The following RANBP9 variants were observed in gnomAD, a reference collection of about 807,000 sequenced individuals.
RANBP9 encodes ran-binding protein 9.
In RANBP9, 15 loss-of-function variants were observed where a neutral mutation model predicts 84.3. The ratio of observed to expected loss-of-function variants is 0.18; its 90% CI spans 0.12 to 0.27. The LOEUF is 0.27. Ranked by LOEUF, RANBP9 falls within the 10% of genes least tolerant of loss-of-function variation. The pLI is 1.00. For missense variants in RANBP9, 809 were observed against 912.8 expected (o/e 0.89, Z 1.46); for synonymous variants, 392 against 349.6 (o/e 1.12, Z -1.35).
At chr6:13,639,227 G>A (rs1765007785) in intron 9 of RANBP9, among the ~76,000 whole-genome samples, 1 of 152,146 alleles carries the variant, frequency 6.6e-6, no homozygotes, top group South Asian at 2.1e-4. Context: ...CACCCAGGCT[G>A]GAGTGCAGTG....
chr6:13,644,198 A>G (rs1217333680), intron 6 of RANBP9, among the ~76,000 whole-genome samples: 1 of 152,178 alleles, frequency 6.6e-6, no homozygotes, highest in Non-Finnish European at 1.5e-5. Flanking sequence ...TATCTTTTCC[A>G]TTAACATTAT....
intron 5 of RANBP9, among the ~76,000 whole-genome samples, chr6:13,651,124 A>T (rs922872331): frequency 2.6e-5 from 4 of 152,170 alleles, no homozygotes; most frequent in Admixed American, 1.3e-4. Context: ...AATAACCCTA[A>T]GAGATCATTC....
At chr6:13,684,578 C>A (rs191938953) in intron 2 of RANBP9, among the ~76,000 whole-genome samples, 1 of 152,110 alleles carries the variant, frequency 6.6e-6, no homozygotes, top group Non-Finnish European at 1.5e-5. Flanking sequence ...GTATGTAAAC[C>A]GCTGTCACAA....
chr6:13,653,524 A>G (rs1355371786), intron 4 of RANBP9, among the ~76,000 whole-genome samples: 3 of 152,162 alleles, frequency 2.0e-5, no homozygotes, highest in African/African-American at 7.2e-5. Flanking sequence ...CTTCCAGTCT[A>G]AAACAAACAT....
intron 2 of RANBP9, among the ~76,000 whole-genome samples, chr6:13,671,204 G>T (rs1318481769): frequency 6.6e-6 from 1 of 152,154 alleles, no homozygotes; most frequent in Non-Finnish European, 1.5e-5. Flanking sequence ...ATCATAGCTG[G>T]TAGTAAGTAA....
At chr6:13,672,210 G>C (rs1584934704) in intron 2 of RANBP9, among the ~76,000 whole-genome samples, 1 of 152,058 alleles carries the variant, frequency 6.6e-6, no homozygotes, top group East Asian at 1.9e-4. Flanking sequence ...ATCTGACCTA[G>C]AGTAAGAGCA....
At chr6:13,671,004 C>G (rs1180080341) in intron 2 of RANBP9, among the ~76,000 whole-genome samples, 1 of 152,024 alleles carries the variant, frequency 6.6e-6, no homozygotes, top group African/African-American at 2.4e-5. Context: ...CCTACTAAAA[C>G]AATGGGCAAA....
At position 13,637,768 on chromosome 6, in the gene RANBP9, G is replaced by C. The variant is rs375815004; in HGVS notation, c.1673+40C>G. The stretch of plus-strand genomic sequence containing the variant: ...ATTACAACGATTACACCTATAACTA[G>C]GTTGCTTATATTAGTGCAAAAGTCA... On this transcript the variant is annotated intron_variant, in intron 10 of 13. Coordinates refer to ENST00000011619, the MANE Select transcript of RANBP9 (RefSeq NM_005493.3). 1.2e-5 allele frequency: 18 copies of C among 1,496,184 alleles called. No individual in the cohort carries two copies. The African/African-American group carries it at 2.3e-4, about 19-fold the overall frequency. 92.7% of individuals were successfully genotyped at this position (1,496,184 alleles called of 1,614,324 possible). A position where few individuals can be genotyped will look rare whatever the true frequency, so the allele number is the denominator to read the frequency against.
intron 5 of RANBP9, among the ~76,000 whole-genome samples, chr6:13,648,333 A>G (rs1042675764): frequency 2.0e-5 from 3 of 151,852 alleles, no homozygotes; most frequent in African/African-American, 7.2e-5. Context: ...TTTTTAGTAG[A>G]GACGGGGTTT....
chr6:13,686,259 T>C (rs1472872083), intron 2 of RANBP9, among the ~76,000 whole-genome samples: 1 of 151,428 alleles, frequency 6.6e-6, no homozygotes, highest in Non-Finnish European at 1.5e-5. Context: ...TGCATGCCAC[T>C]ACACCCGGCT....
chr6:13,667,159 TTTA>T (rs1383800436), intron 2 of RANBP9, among the ~76,000 whole-genome samples: 1 of 152,162 alleles, frequency 6.6e-6, no homozygotes, highest in Non-Finnish European at 1.5e-5. Context: ...AAATTATGCA[TTTA>T]TTAACAGTTA....
At chr6:13,702,181 G>A (rs1327736854) in intron 1 of RANBP9, among the ~76,000 whole-genome samples, 2 of 152,110 alleles carry the variant, frequency 1.3e-5, no homozygotes, top group South Asian at 2.1e-4. Context: ...AGTGGCTCAT[G>A]CCTGTAATCC....
intron 2 of RANBP9, among the ~76,000 whole-genome samples, chr6:13,679,448 T>C (rs1200536742): frequency 6.6e-6 from 1 of 152,216 alleles, no homozygotes; most frequent in Non-Finnish European, 1.5e-5. Flanking sequence ...AATAATTCCA[T>C]CTGTAGTTAA....
At chr6:13,683,697 A>C (rs919826875) in intron 2 of RANBP9, among the ~76,000 whole-genome samples, 1 of 151,634 alleles carries the variant, frequency 6.6e-6, no homozygotes. Flanking sequence ...TTTTTTTTCT[A>C]TTTCACAGGA....
chr6:13,690,503 A>G (rs568625034), intron 2 of RANBP9, among the ~76,000 whole-genome samples: 1 of 152,312 alleles, frequency 6.6e-6, no homozygotes, highest in East Asian at 1.9e-4. Flanking sequence ...TAAAAGGAAC[A>G]TTCTGAAAGA....
intron 5 of RANBP9, among the ~76,000 whole-genome samples, chr6:13,646,710 T>C (rs560305925): frequency 1.3e-5 from 2 of 152,124 alleles, no homozygotes; most frequent in Admixed American, 6.5e-5. Flanking sequence ...AACTTCCCTA[T>C]GACAAAACAT....
chr6:13,656,638 C>CT (rs766666079), intron 4 of RANBP9, among the ~76,000 whole-genome samples: 2 of 152,118 alleles, frequency 1.3e-5, no homozygotes, highest in Non-Finnish European at 2.9e-5. Flanking sequence ...TAGTTACCAA[C>CT]TTAGCCATCT....
intron 1 of RANBP9, among the ~76,000 whole-genome samples, chr6:13,698,700 ATT>A (rs1361477263): frequency 1.2e-4 from 19 of 152,216 alleles, no homozygotes; most frequent in African/African-American, 4.1e-4. Context: ...CATTAAGTTT[ATT>A]AACTCATTTA....
At chr6:13,636,067 G>A (rs1764930107) in intron 10 of RANBP9, among the ~76,000 whole-genome samples, 1 of 152,046 alleles carries the variant, frequency 6.6e-6, no homozygotes, top group Admixed American at 6.5e-5. Context: ...AAAACATCCT[G>A]GAAGAACTGA....
Sources: gnomAD v4.1 joint callset for allele counts (sites outside exome capture counted in the v4.1 genomes callset) on GRCh38, gnomAD v4.1.1 for gene constraint, MANE v1.5 for transcripts, NCBI Gene and HGNC (gene_info 2026-07-23, HGNC 2026-07-21) for gene names.